Variants in NEGR1 observed in about 807,000 individuals in gnomAD.
NEGR1 encodes the protein IgLON family member 4.
Under a neutral mutation model 40.9 loss-of-function variants are expected in NEGR1, and 10 were observed. That is an observed-to-expected ratio of 0.24 (90% CI 0.15 to 0.42). The LOEUF (loss-of-function observed/expected upper bound fraction) is 0.42, where lower values mean the gene tolerates loss of function less well. NEGR1 is among the 10% of genes least tolerant of loss of function. The pLI is 1.00. For synonymous variants in NEGR1, 185 were observed against 166.8 expected (o/e 1.11, Z -0.84); for missense variants, 352 against 438.9 (o/e 0.80, Z 1.77).
At chr1:72,106,877 C>CAGATAT (rs1649155273) in intron 1 of NEGR1, among the ~76,000 whole-genome samples, 2 of 151,830 alleles carry the variant, frequency 1.3e-5, no homozygotes, top group Admixed American at 6.6e-5. Flanking sequence ...GATATAGATA[C>CAGATAT]AGATATAGAT....
intron 1 of NEGR1, among the ~76,000 whole-genome samples, chr1:72,278,565 C>T (rs914345495): frequency 2.6e-5 from 4 of 151,910 alleles, no homozygotes; most frequent in Admixed American, 1.3e-4. Flanking sequence ...TTTTTTAAGT[C>T]TCCTGAAATT....
chr1:71,932,088 T>C (rs1317361372), intron 2 of NEGR1, among the ~76,000 whole-genome samples: 1 of 152,104 alleles, frequency 6.6e-6, no homozygotes, highest in Non-Finnish European at 1.5e-5. Flanking sequence ...AATACATAGG[T>C]TGCTCAGCTC....
chr1:71,582,460 AGT>A, intron 6 of NEGR1, among the ~76,000 whole-genome samples: 1 of 152,192 alleles, frequency 6.6e-6, no homozygotes, highest in South Asian at 2.1e-4. Flanking sequence ...TATAAAATGG[AGT>A]GTGTTTCTGG....
At chr1:72,186,541 T>A (rs1652618769) in intron 1 of NEGR1, among the ~76,000 whole-genome samples, 1 of 151,570 alleles carries the variant, frequency 6.6e-6, no homozygotes, top group Admixed American at 6.6e-5. Context: ...TTTAACTACT[T>A]ACTAGATATA....
chr1:72,171,516 G>T (rs1423930327), intron 1 of NEGR1, among the ~76,000 whole-genome samples: 1 of 152,130 alleles, frequency 6.6e-6, no homozygotes, highest in African/African-American at 2.4e-5. Flanking sequence ...GAGATTCTAA[G>T]GGCTTTTGAA....
intron 3 of NEGR1, among the ~76,000 whole-genome samples, chr1:71,728,274 G>T (rs1393692014): frequency 2.0e-5 from 3 of 152,096 alleles, no homozygotes; most frequent in Non-Finnish European, 4.4e-5. Context: ...AGAAGTAAGA[G>T]ACATGTGCAA....
intron 1 of NEGR1, among the ~76,000 whole-genome samples, chr1:71,975,611 A>C (rs1303983273): frequency 6.6e-6 from 1 of 152,228 alleles, no homozygotes; most frequent in Non-Finnish European, 1.5e-5. Context: ...CCAATGCTAG[A>C]TTAGCATTCA....
intron 1 of NEGR1, among the ~76,000 whole-genome samples, chr1:72,219,688 T>A (rs1008918927): frequency 6.6e-6 from 1 of 152,068 alleles, no homozygotes; most frequent in Admixed American, 6.6e-5. Flanking sequence ...TATAATTAAA[T>A]TAAAAGGATC....
chr1:72,219,937 A>G (rs1355571113), intron 1 of NEGR1, among the ~76,000 whole-genome samples: 1 of 152,066 alleles, frequency 6.6e-6, no homozygotes, highest in Admixed American at 6.6e-5. Context: ...TCCTTGCTCT[A>G]CAGATACACT....
chr1:72,192,987 T>G (rs954866320), intron 1 of NEGR1, among the ~76,000 whole-genome samples: 1 of 151,928 alleles, frequency 6.6e-6, no homozygotes, highest in African/African-American at 2.4e-5. Flanking sequence ...CAGCATTTAA[T>G]TTTGAGCTCT....
intron 1 of NEGR1, among the ~76,000 whole-genome samples, chr1:72,092,695 G>A (rs1274670565): frequency 6.6e-6 from 1 of 152,020 alleles, no homozygotes; most frequent in East Asian, 1.9e-4. Context: ...CTTTTGCCCA[G>A]GCTGGAGTGC....
intron 1 of NEGR1, among the ~76,000 whole-genome samples, chr1:72,067,103 G>T (rs1182693846): frequency 6.6e-6 from 1 of 152,016 alleles, no homozygotes; most frequent in Non-Finnish European, 1.5e-5. Flanking sequence ...CTTTCTAGTT[G>T]TAGCAACATT....
At chr1:71,972,956 G>A (rs1443677784) in intron 1 of NEGR1, among the ~76,000 whole-genome samples, 2 of 152,108 alleles carry the variant, frequency 1.3e-5, no homozygotes, top group East Asian at 3.8e-4. Context: ...CTTAAGTGTT[G>A]TTACAAGATT....
chr1:71,719,804 G>A (rs1377739618), intron 3 of NEGR1, among the ~76,000 whole-genome samples: 1 of 152,128 alleles, frequency 6.6e-6, no homozygotes, highest in East Asian at 1.9e-4. Context: ...AGGCCCTGGT[G>A]TGTGATGTTC....
chr1:71,789,695 A>G (rs1019724024), intron 2 of NEGR1, among the ~76,000 whole-genome samples: 1 of 152,118 alleles, frequency 6.6e-6, no homozygotes, highest in African/African-American at 2.4e-5. Context: ...AACTTAAAAA[A>G]TGTGGTTAAG....
chr1:71,504,925 C>T (rs1259183502), intron 6 of NEGR1, among the ~76,000 whole-genome samples: 3 of 151,906 alleles, frequency 2.0e-5, no homozygotes, highest in East Asian at 3.9e-4. Context: ...AAAGTAATGA[C>T]GGGCCTCCTA....
At chr1:71,868,217 T>C (rs1660172340) in intron 2 of NEGR1, among the ~76,000 whole-genome samples, 2 of 152,210 alleles carry the variant, frequency 1.3e-5, no homozygotes, top group South Asian at 2.1e-4. Flanking sequence ...TCCTGGAAAA[T>C]ATTCTCATGG....
At chr1:72,140,589 T>C (rs1281391890) in intron 1 of NEGR1, among the ~76,000 whole-genome samples, 1 of 152,094 alleles carries the variant, frequency 6.6e-6, no homozygotes, top group Non-Finnish European at 1.5e-5. Flanking sequence ...CAAATAAATG[T>C]CAACATGAGT....
intron 3 of NEGR1, 45 bp downstream of exon 3, chr1:71,776,127 A>G (rs758243525): frequency 8.7e-6 from 13 of 1,486,028 alleles, no homozygotes. Context: ...AGGTTACAGG[A>G]GAAAAATGAA....
Sources: allele counts gnomAD v4.1 joint callset (sites outside exome capture counted in the v4.1 genomes callset), GRCh38; gene constraint gnomAD v4.1.1; transcripts MANE v1.5; gene names NCBI Gene and HGNC (gene_info 2026-07-23, HGNC 2026-07-21).